Variants in DCAF12 observed in about 807,000 individuals in gnomAD.
The protein encoded by DCAF12 is DDB1 and CUL4 associated factor 12.
In DCAF12, 28 loss-of-function variants were observed where a neutral mutation model predicts 52.8. The ratio of observed to expected loss-of-function variants is 0.53; its 90% CI spans 0.39 to 0.73. The LOEUF is 0.73. Ranked by LOEUF, DCAF12 falls within the 30% of genes least tolerant of loss-of-function variation. The probability of loss-of-function intolerance (pLI) is 0.00; values close to 1 mark genes in which losing one functional copy is unlikely to be tolerated. For missense variants in DCAF12, 425 were observed against 552.2 expected (o/e 0.77, Z 2.31); for synonymous variants, 196 against 215.5 (o/e 0.91, Z 0.79).
intron 2 of DCAF12, among the ~76,000 whole-genome samples, chr9:34,116,290 C>T (rs987654375): frequency 2.6e-5 from 4 of 151,764 alleles, no homozygotes; most frequent in Non-Finnish European, 4.4e-5. Context: ...CCAGGAGGGG[C>T]AGGCTGCAGA....
rs770716160 is a variant in DCAF12, at chr9:34,087,326, T to C, written c.*1024A>G. ...ATAATAGCAAAACCCACTGGGGAGATTGGAAGAATGGCAGAGAGGATTCTC... is the reference window on the plus strand; with the variant it reads ...ATAATAGCAAAACCCACTGGGGAGACTGGAAGAATGGCAGAGAGGATTCTC... On this transcript the variant is annotated 3_prime_UTR_variant, in exon 9 of 9. Coordinates refer to ENST00000361264, the MANE Select transcript of DCAF12 (RefSeq NM_015397.4). 2 of 152,270 alleles carry C rather than the reference T, an allele frequency of 1.3e-5. No individual in the cohort carries two copies. The highest frequency in any genetic ancestry group is 2.9e-5 in the Non-Finnish European group (2 of 68,124). 9.4% of individuals were successfully genotyped at this position (152,270 alleles called of 1,614,324 possible). A position where few individuals can be genotyped will look rare whatever the true frequency, so the allele number is the denominator to read the frequency against.
At chr9:34,096,679 A>G (rs1358897340) in intron 6 of DCAF12, 37 bp downstream of exon 6, 2 of 1,562,118 alleles carry the variant, frequency 1.3e-6, no homozygotes, top group Non-Finnish European at 1.8e-6. Flanking sequence ...TGTAAGGTGA[A>G]TTATTAGGTA....
chr9:34,089,644 G>A, intron 7 of DCAF12, 54 bp from the exon 8 acceptor site: 1 of 1,518,146 alleles, frequency 6.6e-7, no homozygotes, highest in Admixed American at 2.0e-5. Flanking sequence ...TTTGCTGACT[G>A]TCTGCTAGCC....
chr9:34,124,988 C>A, intron 2 of DCAF12, 35 bp downstream of exon 2: 1 of 1,609,988 alleles, frequency 6.2e-7, no homozygotes, highest in Non-Finnish European at 8.5e-7. Flanking sequence ...ATATCCACGA[C>A]CTAGGAGAGA....
At position 34,091,639 on chromosome 9, in the gene DCAF12, CA is replaced by C. The variant is rs34922785; in HGVS notation, c.1024+1646del. ...GCTGATAGAGTGAGGACCCTGTCTT[CA>C]AAAAAAAAAAAAAAAAAAAAACCAC... On this transcript the variant is annotated intron_variant, in intron 7 of 8. Coordinates refer to ENST00000361264, the MANE Select transcript of DCAF12 (RefSeq NM_015397.4). Among the ~76,000 whole-genome samples the C allele has an allele frequency of 6.6e-3, 532 of 80,504 alleles. 1 individual carries two copies. The highest frequency in any genetic ancestry group is 0.02 in the African/African-American group (396 of 19,524). The allele number at this position is 80,504 out of a possible 152,430, so 52.8% of individuals were successfully genotyped here.
In DCAF12 at chr9:34,114,449, TC is replaced by T. The variant is rs1043413520; in HGVS notation, c.334-6885del. 2.9e-4 allele frequency among the ~76,000 whole-genome samples: 44 copies of T among 152,014 alleles called. 1 individual carries two copies. The highest frequency in any genetic ancestry group is 9.9e-4 in the African/African-American group (41 of 41,468). ...TAAGAGTGTGCCCCCAACCTCACCC[TC>T]ATTATTGCAAAGGAATGACAATGAA... On this transcript the variant is annotated intron_variant, in intron 2 of 8. Coordinates refer to ENST00000361264, the MANE Select transcript of DCAF12 (RefSeq NM_015397.4).
chr9:34,118,075 A>G (rs577975555), intron 2 of DCAF12, among the ~76,000 whole-genome samples: 1 of 152,350 alleles, frequency 6.6e-6, no homozygotes, highest in East Asian at 1.9e-4. Flanking sequence ...GTCTGATTTC[A>G]TAAGAATCTT....
At chr9:34,117,078 C>G (rs1414184332) in intron 2 of DCAF12, among the ~76,000 whole-genome samples, 2 of 152,224 alleles carry the variant, frequency 1.3e-5, no homozygotes. Context: ...ATGGACTACA[C>G]TACTAGCTAG....
At chr9:34,125,833 A>G (rs1829241488) in intron 1 of DCAF12, 4 of 290,656 alleles carry the variant, frequency 1.4e-5, no homozygotes, top group South Asian at 1.2e-4. Flanking sequence ...GGCCATATCT[A>G]TGTCCAAGAA....
At chr9:34,105,377 G>C (rs1481750865) in intron 4 of DCAF12, among the ~76,000 whole-genome samples, 2 of 152,206 alleles carry the variant, frequency 1.3e-5, no homozygotes, top group Non-Finnish European at 2.9e-5. Flanking sequence ...AGTGAGCCAT[G>C]ATGGTGCCAC....
At chr9:34,097,403 T>C (rs1484697240) in intron 5 of DCAF12, among the ~76,000 whole-genome samples, 6 of 151,784 alleles carry the variant, frequency 4.0e-5, no homozygotes, top group Non-Finnish European at 8.8e-5. Flanking sequence ...TACAGGCATA[T>C]GCCACCATGC....
chr9:34,107,028 C>T (rs1357306590), intron 3 of DCAF12, among the ~76,000 whole-genome samples: 1 of 152,130 alleles, frequency 6.6e-6, no homozygotes, highest in African/African-American at 2.4e-5. Context: ...TTCAAGAGGA[C>T]AGGGGCTTTA....
At chr9:34,093,484 C>T (rs1216681140) in intron 6 of DCAF12, 36 bp from the exon 7 acceptor site, 1 of 1,608,710 alleles carries the variant, frequency 6.2e-7, no homozygotes, top group South Asian at 1.1e-5. Context: ...ATGGCATCAG[C>T]AGAGAGGGTA....
chr9:34,119,575 T>C (rs554051353), intron 2 of DCAF12, among the ~76,000 whole-genome samples: 5 of 152,178 alleles, frequency 3.3e-5, no homozygotes, highest in Non-Finnish European at 7.3e-5. Context: ...TTAGATTAAG[T>C]AGCTTCCAAT....
chr9:34,090,433 G>C (rs1828625840), intron 7 of DCAF12, among the ~76,000 whole-genome samples: 1 of 152,100 alleles, frequency 6.6e-6, no homozygotes, highest in African/African-American at 2.4e-5. Context: ...AATACCCAAA[G>C]ATGTTTAAGA....
chr9:34,100,355 C>T (rs140458755), intron 4 of DCAF12, among the ~76,000 whole-genome samples: 17 of 151,856 alleles, frequency 1.1e-4, no homozygotes, highest in Admixed American at 2.0e-4. Flanking sequence ...CCCGTCACCA[C>T]GCCTGGCTAA....
chr9:34,123,700 A>G (rs1203517433), intron 2 of DCAF12, among the ~76,000 whole-genome samples: 1 of 152,176 alleles, frequency 6.6e-6, no homozygotes, highest in East Asian at 1.9e-4. Context: ...GCAAGAGGCT[A>G]TGATGATTAA....
At chr9:34,103,095 CAAAAAA>C (rs34456166) in intron 4 of DCAF12, among the ~76,000 whole-genome samples, 9,349 of 100,208 alleles carry the variant, frequency 0.093, 422 homozygotes, top group Non-Finnish European at 0.12. Flanking sequence ...ACCTTAACTC[CAAAAAA>C]AAAAAAAAAA....
At chr9:34,119,185 C>A (rs1199314925) in intron 2 of DCAF12, among the ~76,000 whole-genome samples, 1 of 152,036 alleles carries the variant, frequency 6.6e-6, no homozygotes, top group Non-Finnish European at 1.5e-5. Flanking sequence ...ATTTTTGAGC[C>A]CCTACTTCGG....
Sources: gnomAD v4.1 joint callset for allele counts (sites outside exome capture counted in the v4.1 genomes callset) on GRCh38, gnomAD v4.1.1 for gene constraint, MANE v1.5 for transcripts, NCBI Gene and HGNC (gene_info 2026-07-23, HGNC 2026-07-21) for gene names.